Variants in NREP observed in about 807,000 individuals in gnomAD.
NREP encodes neuronal regeneration related protein, also known as neuronal regeneration-related protein.
A neutral mutation model predicts 8.6 loss-of-function variants in NREP; 5 were observed. The ratio of observed to expected loss-of-function variants is 0.58; its 90% CI spans 0.30 to 1.22. NREP has a LOEUF of 1.22. Ranked by LOEUF, NREP falls within the 50% of genes most tolerant of loss-of-function variation. The pLI is 0.07. For missense variants in NREP, 86 were observed against 82.5 expected, an observed-to-expected ratio of 1.04 and a Z score of -0.17; for synonymous variants, 27 against 28.0, an observed-to-expected ratio of 0.96 and a Z score of 0.11.
chr5:111,926,476 C>T (rs1382390094), intron 2 of NREP, among the ~76,000 whole-genome samples: 1 of 152,144 alleles, frequency 6.6e-6, no homozygotes, highest in Non-Finnish European at 1.5e-5. Flanking sequence ...ATAGGGACTT[C>T]AGACCATTTG....
chr5:111,834,522 TC>T (rs1244695331), intron 2 of NREP, among the ~76,000 whole-genome samples: 3 of 152,200 alleles, frequency 2.0e-5, no homozygotes, highest in Non-Finnish European at 4.4e-5. Context: ...TGGAAACATA[TC>T]CAAACAAACT....
intron 2 of NREP, among the ~76,000 whole-genome samples, chr5:111,792,151 G>A (rs1307229576): frequency 6.6e-6 from 1 of 152,164 alleles, no homozygotes; most frequent in Non-Finnish European, 1.5e-5. Context: ...CTGACAATAA[G>A]AAATTCACAT....
chr5:111,964,307 A>G (rs1322259964), intron 2 of NREP, among the ~76,000 whole-genome samples: 4 of 152,236 alleles, frequency 2.6e-5, no homozygotes. Context: ...TCATTGCTGT[A>G]TAATATTCCA....
intron 2 of NREP, among the ~76,000 whole-genome samples, chr5:111,962,413 TCA>T (rs946174097): frequency 7.2e-5 from 11 of 152,152 alleles, no homozygotes; most frequent in African/African-American, 2.2e-4. Flanking sequence ...GAAATCAGTA[TCA>T]CAGAAGAAAT....
intron 2 of NREP, among the ~76,000 whole-genome samples, chr5:111,784,424 G>A (rs1177368696): frequency 6.6e-6 from 1 of 152,060 alleles, no homozygotes; most frequent in African/African-American, 2.4e-5. Context: ...CCTCATATGG[G>A]GGAAAAAGAA....
At chr5:111,888,999 C>T (rs1266440033) in intron 2 of NREP, among the ~76,000 whole-genome samples, 2 of 152,202 alleles carry the variant, frequency 1.3e-5, no homozygotes, top group South Asian at 2.1e-4. Context: ...TATGTCACAG[C>T]AATCACTCAT....
In NREP at chr5:111,964,855, C is replaced by CAAAAAAAAAAAAAAA. The variant is rs58877839; in HGVS notation, c.135+10404_135+10418dup. Among the ~76,000 whole-genome samples the CAAAAAAAAAAAAAAA allele has an allele frequency of 1.8e-3, 81 of 44,878 alleles. 2 individuals are homozygous for CAAAAAAAAAAAAAAA. Among genetic ancestry groups the CAAAAAAAAAAAAAAA allele is most frequent in the African/African-American group, 2.9e-3 (45 of 15,734 alleles). 29.4% of individuals were successfully genotyped at this position (44,878 alleles called of 152,430 possible). On this transcript the variant is annotated intron_variant, in intron 2 of 3. Transcript: ENST00000395634. ...AGTCTACTTAGAATGCTTTCAGCAG[C>CAAAAAAAAAAAAAAA]AAAAAAAAAAAAAAAAAAAAAAAAA...
At chr5:111,827,722 A>T (rs1752661659) in intron 2 of NREP, among the ~76,000 whole-genome samples, 1 of 152,112 alleles carries the variant, frequency 6.6e-6, no homozygotes, top group South Asian at 2.1e-4. Flanking sequence ...GTGCACCTGT[A>T]ATCCCAGCTA....
chr5:111,815,500 T>A (rs570581771), intron 2 of NREP, among the ~76,000 whole-genome samples: 1 of 152,238 alleles, frequency 6.6e-6, no homozygotes, highest in African/African-American at 2.4e-5. Context: ...GTTTTTTTTT[T>A]TAGTTATCGT....
intron 2 of NREP, among the ~76,000 whole-genome samples, chr5:111,742,034 T>TA (rs1197338933): frequency 6.6e-6 from 1 of 152,062 alleles, no homozygotes; most frequent in Non-Finnish European, 1.5e-5. Flanking sequence ...CATGTACAAA[T>TA]AGAGGTTGGG....
chr5:111,846,940 C>T (rs11742651), intron 2 of NREP, among the ~76,000 whole-genome samples: 3 of 152,004 alleles, frequency 2.0e-5, no homozygotes, highest in African/African-American at 7.3e-5. Flanking sequence ...ATCAATCTAA[C>T]GTTTCATTAT....
intron 2 of NREP, among the ~76,000 whole-genome samples, chr5:111,813,972 C>G (rs1049408405): frequency 1.3e-5 from 2 of 151,990 alleles, no homozygotes; most frequent in African/African-American, 4.8e-5. Context: ...TCTGAACACA[C>G]AATTATTTCA....
intron 2 of NREP, among the ~76,000 whole-genome samples, chr5:111,847,533 T>C (rs990529690): frequency 1.3e-5 from 2 of 152,190 alleles, no homozygotes; most frequent in African/African-American, 4.8e-5. Context: ...ATAAGTATTA[T>C]CTCCATGCAA....
In NREP at chr5:111,895,712, T is replaced by C. The variant is rs117734100; in HGVS notation, c.135+79562A>G. ...GGGTGCTGTCCTGTATCTTGTAAGA[T>C]ATTTAACATTATTCCTTAGCCTCTA... On this transcript the variant is annotated intron_variant, in intron 2 of 3. Coordinates refer to the NREP transcript ENST00000395634. Among the ~76,000 whole-genome samples the C allele has an allele frequency of 4.5e-4, 69 of 152,304 alleles. No homozygotes were observed. In the East Asian group the frequency reaches 0.012, roughly 27 times the overall value.
rs1038210975 is a variant in NREP at position 111,935,854 on chromosome 5, G to A, written c.135+39420C>T. The stretch of plus-strand genomic sequence containing the variant: ...GTTTTCTAGGGCTGCCATCACAAAG[G>A]ACTACAAACCAAGTGGCTTTAAACA... On this transcript the variant is annotated intron_variant, in intron 2 of 3. Transcript: ENST00000395634. Among the ~76,000 whole-genome samples the A allele has an allele frequency of 9.9e-5, 15 of 152,132 alleles. No individual in the cohort carries two copies. The East Asian group carries it at 2.7e-3, about 28-fold the overall frequency.
In NREP at chr5:111,881,412, A is replaced by G. The variant is rs192654928; in HGVS notation, c.135+93862T>C. Among the ~76,000 whole-genome samples the G allele has an allele frequency of 8.4e-4, 128 of 152,284 alleles. 1 individual carries two copies. The highest frequency in any genetic ancestry group is 3.0e-3 in the African/African-American group (126 of 41,578). ...CCTCTGGGGGGCAGGGCACAGACAAACAAAAAGACAGCAGTAACCTCTGCA... is the reference window on the plus strand; with the variant it reads ...CCTCTGGGGGGCAGGGCACAGACAAGCAAAAAGACAGCAGTAACCTCTGCA... On this transcript the variant is annotated intron_variant, in intron 2 of 3. Coordinates refer to the NREP transcript ENST00000395634.
chr5:111,917,523 G>C (rs1288685553), intron 2 of NREP, among the ~76,000 whole-genome samples: 2 of 152,104 alleles, frequency 1.3e-5, no homozygotes, highest in African/African-American at 4.8e-5. Flanking sequence ...AATCAAGTCA[G>C]CTTCCTCCCT....
chr5:111,935,735 G>A (rs1198307205), intron 2 of NREP, among the ~76,000 whole-genome samples: 1 of 152,020 alleles, frequency 6.6e-6, no homozygotes, highest in Non-Finnish European at 1.5e-5. Flanking sequence ...AATGTAAAAT[G>A]CACATCTTAG....
intron 2 of NREP, among the ~76,000 whole-genome samples, chr5:111,818,061 A>G (rs2112921358): frequency 6.6e-6 from 1 of 152,300 alleles, no homozygotes. Context: ...TATACCCAGA[A>G]TTCTCAACTG....
Sources: allele counts gnomAD v4.1 joint callset (sites outside exome capture counted in the v4.1 genomes callset), GRCh38; gene constraint gnomAD v4.1.1; transcripts MANE v1.5; gene names NCBI Gene and HGNC (gene_info 2026-07-23, HGNC 2026-07-21).